The following AUTS2 variants were observed in gnomAD, a reference collection of about 807,000 sequenced individuals.
AUTS2 encodes autism susceptibility gene 2 protein.
A neutral mutation model predicts 112.4 loss-of-function variants in AUTS2; 17 were observed. That is an observed-to-expected ratio of 0.15 (90% confidence interval 0.10 to 0.23). The LOEUF (loss-of-function observed/expected upper bound fraction) is 0.23, where lower values mean the gene tolerates loss of function less well. AUTS2 is among the 10% of genes least tolerant of loss of function. The pLI, the probability that AUTS2 is intolerant of heterozygous loss-of-function variation, is 1.00. For synonymous variants in AUTS2, 751 were observed against 702.7 expected, an observed-to-expected ratio of 1.07 and a Z score of -1.09; for missense variants, 1,510 against 1,701.6, an observed-to-expected ratio of 0.89 and a Z score of 1.98.
intron 5 of AUTS2, among the ~76,000 whole-genome samples, chr7:70,552,605 C>T (rs186423458): frequency 2.0e-5 from 3 of 152,262 alleles, no homozygotes; most frequent in East Asian, 1.9e-4. Context: ...TGAAAATTTT[C>T]GTAAAAAAGG....
chr7:70,033,418 C>A (rs1463934245), intron 2 of AUTS2, among the ~76,000 whole-genome samples: 1 of 152,004 alleles, frequency 6.6e-6, no homozygotes, highest in Non-Finnish European at 1.5e-5. Flanking sequence ...AGAGGAAGAA[C>A]CTTTAAGTGA....
intron 4 of AUTS2, among the ~76,000 whole-genome samples, chr7:70,340,502 G>A (rs558069564): frequency 1.3e-5 from 2 of 152,074 alleles, no homozygotes; most frequent in Non-Finnish European, 2.9e-5. Flanking sequence ...TCCAAACACC[G>A]AGAAGTCAAG....
intron 6 of AUTS2, among the ~76,000 whole-genome samples, chr7:70,723,278 C>G (rs1449089036): frequency 6.6e-6 from 1 of 152,132 alleles, no homozygotes; most frequent in African/African-American, 2.4e-5. Flanking sequence ...TCTATACAAC[C>G]CCTTGCAATT....
chr7:70,630,451 C>T (rs1054332993), intron 5 of AUTS2, among the ~76,000 whole-genome samples: 9 of 152,214 alleles, frequency 5.9e-5, no homozygotes, highest in East Asian at 1.9e-4. Flanking sequence ...TCTCGGCTCC[C>T]GTGAACGGGG....
At chr7:69,771,122 C>T (rs918754559) in intron 1 of AUTS2, among the ~76,000 whole-genome samples, 3 of 152,212 alleles carry the variant, frequency 2.0e-5, no homozygotes, top group Non-Finnish European at 4.4e-5. Flanking sequence ...CCCCTGGCCA[C>T]TGTGCACTCA....
intron 5 of AUTS2, among the ~76,000 whole-genome samples, chr7:70,606,353 A>G (rs907401508): frequency 2.0e-5 from 3 of 152,026 alleles, no homozygotes; most frequent in African/African-American, 7.2e-5. Context: ...TTGTATTTAT[A>G]TTTATATTTG....
chr7:70,478,223 T>C (rs191613980), intron 5 of AUTS2, among the ~76,000 whole-genome samples: 5 of 152,244 alleles, frequency 3.3e-5, no homozygotes, highest in Admixed American at 3.3e-4. Flanking sequence ...ATATCAAAAA[T>C]AAAGGTAAGT....
At chr7:70,380,022 C>T (rs1243550032) in intron 4 of AUTS2, among the ~76,000 whole-genome samples, 3 of 152,198 alleles carry the variant, frequency 2.0e-5, no homozygotes, top group Non-Finnish European at 4.4e-5. Context: ...GGTGAGGATG[C>T]ATCATGTACA....
intron 4 of AUTS2, among the ~76,000 whole-genome samples, chr7:70,248,366 T>C (rs1051552197): frequency 6.6e-6 from 1 of 152,088 alleles, no homozygotes; most frequent in Admixed American, 6.6e-5. Context: ...TCAAGTGATC[T>C]GCCTGCCTCG....
intron 5 of AUTS2, among the ~76,000 whole-genome samples, chr7:70,594,389 T>C (rs1403254956): frequency 6.6e-6 from 1 of 152,108 alleles, no homozygotes; most frequent in Admixed American, 6.5e-5. Flanking sequence ...GGCCCAATAA[T>C]TTACATTTCT....
rs577592224 is a variant in AUTS2 at position 70,405,501 on chromosome 7, A to G, written c.661-30251A>G. ...AAAGCTGTTTTCTTCAGTGCTGAGT[A>G]TCTCTCAGAACTCCCAAGTGTTATC... On this transcript the variant is annotated intron_variant, in intron 4 of 18. Transcript: ENST00000342771. Among the ~76,000 whole-genome samples the G allele has an allele frequency of 3.1e-4, 47 of 152,360 alleles. 1 individual carries two copies. The South Asian group carries it at 8.1e-3, about 26-fold the overall frequency.
In AUTS2 at chr7:70,788,202, C is replaced by G. The variant is rs185490501; in HGVS notation, c.2531+771C>G. On this transcript the variant is annotated intron_variant, in intron 18 of 18. Coordinates refer to ENST00000342771, the MANE Select transcript of AUTS2 (RefSeq NM_015570.4). Reference sequence around the variant, plus strand: ...AACTGATAAGGAATGCACAAATATGCTTGACAGAAAATACCTAATCCCAAT... The same window carrying G: ...AACTGATAAGGAATGCACAAATATGGTTGACAGAAAATACCTAATCCCAAT... Among the ~76,000 whole-genome samples, 56 of 152,128 alleles carry G rather than the reference C, an allele frequency of 3.7e-4. No individual in the cohort carries two copies. In the East Asian group the frequency reaches 0.01, roughly 27 times the overall value.
rs534185870 is a variant in AUTS2 at position 69,610,238 on chromosome 7, A to C, written c.309+10276A>C. ...CATGCGACTGACAAAGGGGCTGAGT[A>C]ATCTTTAGATCTGTGCTTCATTTCA... On this transcript the variant is annotated intron_variant, in intron 1 of 18. Transcript: ENST00000342771. Among the ~76,000 whole-genome samples, 164 of 152,342 alleles carry C rather than the reference A, an allele frequency of 1.1e-3. 1 individual carries two copies. The highest frequency in any genetic ancestry group is 1.5e-3 in the Non-Finnish European group (105 of 68,022).
intron 4 of AUTS2, among the ~76,000 whole-genome samples, chr7:70,343,263 C>A (rs1395101483): frequency 6.6e-6 from 1 of 152,160 alleles, no homozygotes; most frequent in Non-Finnish European, 1.5e-5. Flanking sequence ...GACAGACAGG[C>A]CCATCATGTG....
chr7:70,699,546 G>C (rs2129547551), intron 6 of AUTS2: 1 of 152,254 alleles, frequency 6.6e-6, no homozygotes, highest in East Asian at 1.9e-4. Context: ...ACATTTCCAA[G>C]TGCAGTTATT....
At chr7:70,767,511 C>T (rs1220699326) in intron 9 of AUTS2, among the ~76,000 whole-genome samples, 1 of 152,144 alleles carries the variant, frequency 6.6e-6, no homozygotes, top group Non-Finnish European at 1.5e-5. Context: ...AATATGATGA[C>T]ATTATTTAGA....
chr7:70,077,761 G>A (rs1444518375), intron 2 of AUTS2, among the ~76,000 whole-genome samples: 1 of 152,150 alleles, frequency 6.6e-6, no homozygotes, highest in Admixed American at 6.5e-5. Flanking sequence ...CCATCAGGCT[G>A]CACTCTCTGA....
chr7:70,138,143 C>G (rs1806670242), intron 4 of AUTS2, among the ~76,000 whole-genome samples: 1 of 152,196 alleles, frequency 6.6e-6, no homozygotes, highest in South Asian at 2.1e-4. Flanking sequence ...TGCTTAGCAG[C>G]TTTTAGGATT....
Position 70,689,804 on chromosome 7 carries a change from C to T in AUTS2, c.691-8765C>T, listed in dbSNP as rs548134063. 2.9e-4 allele frequency among the ~76,000 whole-genome samples: 43 copies of T among 147,468 alleles called. 2 individuals are homozygous for T. In the Middle Eastern group the frequency reaches 0.011, roughly 37 times the overall value. ...AAAAAAAAAAAAAAAAAAAAGATGT[C>T]GTTCCCTAGTAGAGATGGTACAAAC... is the stretch of plus-strand genomic sequence containing the variant. On this transcript the variant is annotated intron_variant, in intron 5 of 18. Coordinates refer to ENST00000342771, the MANE Select transcript of AUTS2 (RefSeq NM_015570.4).
Sources: gnomAD v4.1 joint callset for allele counts (sites outside exome capture counted in the v4.1 genomes callset) on GRCh38, gnomAD v4.1.1 for gene constraint, MANE v1.5 for transcripts, NCBI Gene and HGNC (gene_info 2026-07-23, HGNC 2026-07-21) for gene names.